Variants in ATP6V1B1 observed in about 807,000 individuals in gnomAD.
ATP6V1B1 encodes the protein ATPase H+ transporting V1 subunit B1.
In ATP6V1B1, 41 loss-of-function variants were observed where a neutral mutation model predicts 62.1. The observed-to-expected ratio is 0.66, with a 90% CI of 0.51 to 0.86. The LOEUF is 0.86. Ranked by LOEUF, ATP6V1B1 falls within the 40% of genes least tolerant of loss-of-function variation. The pLI is 0.00. For missense variants in ATP6V1B1, 651 were observed against 697.5 expected (o/e 0.93, Z 0.75); for synonymous variants, 253 against 273.4 (o/e 0.93, Z 0.74).
At chr2:70,957,974 G>T (rs1680481989) in intron 2 of ATP6V1B1, 72 bp from the exon 3 acceptor site, 1 of 1,395,972 alleles carries the variant, frequency 7.2e-7, no homozygotes, top group East Asian at 2.4e-5. Flanking sequence ...ACTGGGTCAG[G>T]GAGGGCCGGA....
In ATP6V1B1 at chr2:70,961,022, G is replaced by A. The variant is rs554650578; in HGVS notation, c.687G>A (p.Gly229=). 1.3e-6 allele frequency: 2 copies of A among 1,578,624 alleles called. No homozygotes were observed. Among genetic ancestry groups the A allele is most frequent in the South Asian group, 2.3e-5 (2 of 86,040 alleles). Residue 229 remains glycine, a splice_region_variant and synonymous_variant, in exon 7 of 14, where the codon GGG becomes GGA. Transcript: ENST00000234396. ...TCGCCATCGTCTTTGCAGCCATGGGGGTGAGGAGACTTAGTAGACTGGCAA... is the reference window on the plus strand; with the variant it reads ...TCGCCATCGTCTTTGCAGCCATGGGAGTGAGGAGACTTAGTAGACTGGCAA... ...DNFAIVFAAM[G]VNMETARFFK... is the part of the protein sequence containing the mutation.
chr2:70,945,738 A>ATG (rs1284117817), intron 2 of ATP6V1B1, among the ~76,000 whole-genome samples: 1 of 132,516 alleles, frequency 7.5e-6, no homozygotes, highest in African/African-American at 2.9e-5. Flanking sequence ...ATATATATAT[A>ATG]TATAGTTGTT....
intron 2 of ATP6V1B1, among the ~76,000 whole-genome samples, chr2:70,955,138 C>T (rs563750942): frequency 2.6e-4 from 39 of 152,116 alleles, no homozygotes; most frequent in African/African-American, 7.0e-4. Flanking sequence ...GGAGGAACAG[C>T]CTGATGGTTT....
rs1572903445 is a variant in ATP6V1B1 at position 70,936,129 on chromosome 2, G to A, written c.118+57G>A. ...TCAGGGTGGGGAGCTGGGGTGGGCT[G>A]CCAGGTTCCCGGGCCCCGCTTCTTG... On this transcript the variant is annotated intron_variant, in intron 1 of 13. Coordinates refer to ENST00000234396, the MANE Select transcript of ATP6V1B1 (RefSeq NM_001692.4). 1.9e-6 allele frequency: 3 copies of A among 1,561,362 alleles called. No homozygotes were observed. The East Asian group carries it at 6.8e-5, about 35-fold the overall frequency.
At position 70,935,993 on chromosome 2, in the gene ATP6V1B1, C is replaced by T. The variant is rs782066627; in HGVS notation, c.39C>T (p.Pro13=). The change falls in exon 1 of 14, where the codon CCC becomes CCT. Residue 13 remains proline (P), a synonymous_variant. Coordinates refer to ENST00000234396, the MANE Select transcript of ATP6V1B1 (RefSeq NM_001692.4). ...TAGACAGCAGGCCTGGGGGGCTCCC[C>T]GGCAGTAGCTGCAACCTAGGTGCAG... The part of the protein sequence containing the change: ...MEIDSRPGGL[P]GSSCNLGAAR... 104 of 1,613,802 alleles carry T rather than the reference C, an allele frequency of 6.4e-5. No individual in the cohort carries two copies. Among genetic ancestry groups the T allele is most frequent in the Admixed American group, 1.3e-4 (8 of 59,990 alleles).
Position 70,958,391 on chromosome 2 carries a change from A to T in ATP6V1B1, c.332A>T (p.Asp111Val). ...AAGACCACTTGCGAATTTACAGGGGACATCCTACGAACTCCGGTGTCAGAG... is the reference window on the plus strand; with the variant it reads ...AAGACCACTTGCGAATTTACAGGGGTCATCCTACGAACTCCGGTGTCAGAG... ...ARKTTCEFTG[D>V]ILRTPVSEDM... Residue 111 changes from aspartate to valine, a missense_variant, in exon 4 of 14, where the codon GAC becomes GTC. Coordinates refer to ENST00000234396, the MANE Select transcript of ATP6V1B1 (RefSeq NM_001692.4). 6.2e-7 allele frequency: 1 copy of T among 1,614,022 alleles called. No homozygotes were observed. Among genetic ancestry groups the T allele is most frequent in the African/African-American group, 1.3e-5 (1 of 74,994 alleles).
rs1680539319 is a variant in ATP6V1B1, at chr2:70,959,769, T to C, written c.446-170T>C. 6.6e-6 allele frequency among the ~76,000 whole-genome samples: 1 copy of C among 152,210 alleles called. No individual in the cohort carries two copies. Among genetic ancestry groups the C allele is most frequent in the Admixed American group, 6.5e-5 (1 of 15,280 alleles). On this transcript the variant is annotated intron_variant, in intron 5 of 13. Coordinates refer to ENST00000234396, the MANE Select transcript of ATP6V1B1 (RefSeq NM_001692.4). This position sits in a 1 kb window ranked among gnomAD's most constrained non-coding sequence, Gnocchi z 4.2. ...CATTTCAGAGTCACACGTCATGTGC[T>C]CAATAGCCATTTGTATCTAGGGCTA...
Position 70,958,154 on chromosome 2 carries a change from G to A in ATP6V1B1, c.273+10G>A, listed in dbSNP as rs782276290. 1.2e-6 allele frequency: 2 copies of A among 1,613,366 alleles called. No individual in the cohort carries two copies. Among genetic ancestry groups the A allele is most frequent in the Admixed American group, 1.7e-5 (1 of 59,952 alleles). ...CAAGGCGATTGTTCAGGTGAGTGGG[G>A]TCAATGGGACATTGGCTAGTTAAAT... On this transcript the variant is annotated intron_variant, in intron 3 of 13. Coordinates refer to ENST00000234396, the MANE Select transcript of ATP6V1B1 (RefSeq NM_001692.4).
chr2:70,958,991 C>G, intron 4 of ATP6V1B1, 27 bp from the exon 5 acceptor site: 1 of 1,612,148 alleles, frequency 6.2e-7, no homozygotes, highest in Middle Eastern at 1.7e-4. Flanking sequence ...GCCTGAGCAC[C>G]CTGCAACACT....
In ATP6V1B1 at chr2:70,943,667, C is replaced by T. The variant is rs1553416784; in HGVS notation, c.128C>T (p.Thr43Ile). The T allele has an allele frequency of 6.2e-7, 1 of 1,613,916 alleles. No individual in the cohort carries two copies. The highest frequency in any genetic ancestry group is 8.5e-7 in the Non-Finnish European group (1 of 1,179,978). ...YITHPRVTYR[T>I]VCSVNGPLVV... The stretch of plus-strand genomic sequence containing the variant: ...CCCGCCCCTCCCCCAGCCTACAGGA[C>T]TGTGTGCAGCGTGAACGGGCCCCTG... Residue 43 changes from threonine to isoleucine, a missense_variant, in exon 2 of 14, where the codon ACT becomes ATT. Transcript: ENST00000234396.
At position 70,963,287 on chromosome 2, in the gene ATP6V1B1, C is replaced by A. The variant is rs539832372; in HGVS notation, c.1035C>A (p.Ile345=). ...GTCGGGGAGGATCCATCACACAGAT[C>A]CCCATCCTCACCATGCCCAACGACG... is the stretch of plus-strand genomic sequence containing the variant. ...VEGRGGSITQ[I]PILTMPNDDI... is the part of the protein sequence containing the mutation. Residue 345 remains isoleucine (I), a synonymous_variant, in exon 10 of 14, where the codon ATC becomes ATA. Transcript: ENST00000234396. The surrounding 1 kb of genome is among the most constrained non-coding windows in gnomAD (Gnocchi z 4.3). 4 of 1,613,450 alleles carry A rather than the reference C, an allele frequency of 2.5e-6. No homozygotes were observed. Among genetic ancestry groups the A allele is most frequent in the Non-Finnish European group, 3.4e-6 (4 of 1,180,008 alleles).
chr2:70,936,877 CA>C (rs1553415490), intron 1 of ATP6V1B1, among the ~76,000 whole-genome samples: 1 of 152,084 alleles, frequency 6.6e-6, no homozygotes, highest in Non-Finnish European at 1.5e-5. Context: ...GTACCCTTGT[CA>C]ATTTCAGAGG....
chr2:70,951,936 T>C (rs1680331788), intron 2 of ATP6V1B1, among the ~76,000 whole-genome samples: 1 of 152,166 alleles, frequency 6.6e-6, no homozygotes, highest in African/African-American at 2.4e-5. Context: ...GAACATTCTC[T>C]GTTTATGTTT....
Position 70,964,505 on chromosome 2 carries a change from T to G in ATP6V1B1, c.1211T>G (p.Met404Arg). ...RLMKSAIGEG[M>R]TRKDHGDVSN... The stretch of plus-strand genomic sequence containing the variant: ...ATGAAGTCAGCCATTGGGGAAGGCA[T>G]GACAAGAAAGGACCATGGAGATGTC... The change falls in exon 12 of 14, where the codon ATG becomes AGG. Residue 404 changes from methionine (M) to arginine (R), a missense_variant. By Grantham distance (91) the Met-to-Arg change is moderately conservative. Coordinates refer to ENST00000234396, the MANE Select transcript of ATP6V1B1 (RefSeq NM_001692.4). The G allele has an allele frequency of 6.2e-7, 1 of 1,614,056 alleles. No individual in the cohort carries two copies. The highest frequency in any genetic ancestry group is 1.1e-5 in the South Asian group (1 of 91,070).
At chr2:70,944,533 AC>A (rs1364032938) in intron 2 of ATP6V1B1, among the ~76,000 whole-genome samples, 1 of 151,150 alleles carries the variant, frequency 6.6e-6, no homozygotes, top group Non-Finnish European at 1.5e-5. Flanking sequence ...CCCCACTGCT[AC>A]CTTGTGATGG....
At chr2:70,942,374 G>C in intron 1 of ATP6V1B1, 1 of 398,684 alleles carries the variant, frequency 2.5e-6, no homozygotes, top group East Asian at 3.6e-5. Flanking sequence ...ACACTTGGAG[G>C]ATCCTTATAA....
In ATP6V1B1 at chr2:70,958,131, A is replaced by G. The variant is rs782459963; in HGVS notation, c.260A>G (p.Lys87Arg). The G allele has an allele frequency of 1.2e-6, 2 of 1,614,096 alleles. No individual in the cohort carries two copies. The highest frequency in any genetic ancestry group is 2.2e-5 in the South Asian group (2 of 91,064). Residue 87 changes from lysine (K) to arginine (R), a missense_variant, in exon 3 of 14, where the codon AAG becomes AGG. Coordinates refer to ENST00000234396, the MANE Select transcript of ATP6V1B1 (RefSeq NM_001692.4). ...CAGGTGCTTGAGGTGGCTGGCACCA[A>G]GGCGATTGTTCAGGTGAGTGGGGTC... ...SGQVLEVAGT[K>R]AIVQVFEGTS...
chr2:70,946,084 T>C (rs142720813), intron 2 of ATP6V1B1, among the ~76,000 whole-genome samples: 2,374 of 152,232 alleles, frequency 0.016, 26 homozygotes, highest in Admixed American at 0.028. Flanking sequence ...ACAGCATTTT[T>C]ACTGAACACA....
chr2:70,960,967 A>G lies in ATP6V1B1; in HGVS notation c.632A>G (p.Lys211Arg). 6.2e-7 allele frequency: 1 copy of G among 1,607,852 alleles called. No individual in the cohort carries two copies. The highest frequency in any genetic ancestry group is 1.1e-5 in the South Asian group (1 of 89,672). Residue 211 changes from lysine to arginine, a missense_variant, in exon 7 of 14, where the codon AAG becomes AGG. Transcript: ENST00000234396. ...CAGGCGGGGCTGGTGAAGAAGTCCA[A>G]GGCTGTGCTGGATTACCATGACGAC... ...CRQAGLVKKS[K>R]AVLDYHDDNF...
Sources: allele counts gnomAD v4.1 joint callset (sites outside exome capture counted in the v4.1 genomes callset), GRCh38; gene constraint gnomAD v4.1.1; non-coding constraint Gnocchi (gnomAD v3.1); transcripts MANE v1.5; gene names NCBI Gene and HGNC (gene_info 2026-07-23, HGNC 2026-07-21).